Variants in ABCA12 observed in about 807,000 individuals in gnomAD.
ABCA12 encodes the protein ATP binding cassette subfamily A member 12.
A neutral mutation model predicts 293.5 loss-of-function variants in ABCA12; 156 were observed. The observed-to-expected ratio is 0.53, with a 90% confidence interval of 0.47 to 0.61. The LOEUF (loss-of-function observed/expected upper bound fraction) is 0.61. Among genes scored for constraint, ABCA12 ranks in the 20% least tolerant of loss-of-function variants. The pLI, the probability that ABCA12 is intolerant of heterozygous loss-of-function variation, is 0.00. For synonymous variants in ABCA12, 1,063 were observed against 1,108.0 expected (o/e 0.96, Z 0.81); for missense variants, 2,797 against 3,090.2 (o/e 0.91, Z 2.25).
At chr2:214,999,472 G>A (rs1700098522) in intron 22 of ABCA12, among the ~76,000 whole-genome samples, 1 of 152,102 alleles carries the variant, frequency 6.6e-6, no homozygotes, top group African/African-American at 2.4e-5. Flanking sequence ...TGAGGTTGTT[G>A]GGTGAAACAA....
At position 215,001,558 on chromosome 2, in the gene ABCA12, T is replaced by A; in HGVS notation, c.2863A>T (p.Ser955Cys). 6.2e-7 allele frequency: 1 copy of A among 1,613,630 alleles called. No homozygotes were observed. Among genetic ancestry groups the A allele is most frequent in the Non-Finnish European group, 8.5e-7 (1 of 1,179,686 alleles). The change falls in exon 21 of 53, where the codon AGT becomes TGT. Residue 955 changes from serine (S) to cysteine (C), a missense_variant and splice_region_variant. This residue lies in a region of ABCA12 where 2,130 missense variants were observed against 2,427.0 expected (regional missense o/e 0.88). Transcript: ENST00000272895. ...RLYKSNELFGSVIFKLPSNRS... is the reference protein window; with the variant it reads ...RLYKSNELFGCVIFKLPSNRS... ...CAAACCCTAATAGAACAGCACTTAC[T>A]TCCAAAGAGTTCGTTGCTTTTGTAG... is the stretch of plus-strand genomic sequence containing the variant.
At chr2:214,946,895 C>A (rs978284694) in intron 48 of ABCA12, among the ~76,000 whole-genome samples, 4 of 151,962 alleles carry the variant, frequency 2.6e-5, no homozygotes, top group East Asian at 1.9e-4. Flanking sequence ...CTATACCCCC[C>A]ACATTCAGAT....
At chr2:214,975,659 T>C (rs943299353) in intron 34 of ABCA12, 126 bp downstream of exon 34, 45 of 1,312,394 alleles carry the variant, frequency 3.4e-5, no homozygotes, top group Admixed American at 1.9e-4. Flanking sequence ...TTCATTCCTT[T>C]AGCAGAATCA....
chr2:215,075,491 C>T (rs2106087611), intron 2 of ABCA12: 1 of 678,864 alleles, frequency 1.5e-6, no homozygotes, highest in Non-Finnish European at 2.6e-6. Flanking sequence ...CCTCTTAATC[C>T]TAGCTTTGCA....
chr2:215,020,395 C>T (rs1401236284), intron 11 of ABCA12, among the ~76,000 whole-genome samples: 1 of 151,918 alleles, frequency 6.6e-6, no homozygotes, highest in Non-Finnish European at 1.5e-5. Flanking sequence ...GGATACTATG[C>T]TAAGTGAAAT....
chr2:215,043,777 A>G (rs1388175377), intron 7 of ABCA12, among the ~76,000 whole-genome samples: 3 of 152,114 alleles, frequency 2.0e-5, no homozygotes, highest in Admixed American at 6.5e-5. Context: ...CCACCATGCC[A>G]ATTAAGATAC....
chr2:215,001,063 G>A (rs750903896), intron 21 of ABCA12, 43 bp from the exon 22 acceptor site: 1 of 1,590,188 alleles, frequency 6.3e-7, no homozygotes, highest in Non-Finnish European at 8.6e-7. Flanking sequence ...TTATTTTATG[G>A]TTGACGTTAT....
At position 215,064,212 on chromosome 2, in the gene ABCA12, G is replaced by A. The variant is rs373499648; in HGVS notation, c.171C>T (p.Leu57=). Residue 57 remains leucine, a synonymous_variant, in exon 3 of 53, where the codon CTC becomes CTT. Coordinates refer to ENST00000272895, the MANE Select transcript of ABCA12 (RefSeq NM_173076.3). The part of the protein sequence containing the change: ...FPPTAKPTCY[L]APRNLPSTGF... ...CAGTACTAGGAAGGTTTCGAGGTGC[G>A]AGGTAACCTAAAATTAAAAAAACAG... 3.1e-6 allele frequency: 5 copies of A among 1,612,144 alleles called. No homozygotes were observed. The highest frequency in any genetic ancestry group is 2.7e-5 in the African/African-American group (2 of 74,734).
At chr2:215,052,391 G>C in intron 5 of ABCA12, 96 bp downstream of exon 5, 1 of 1,014,690 alleles carries the variant, frequency 9.9e-7, no homozygotes, top group Non-Finnish European at 1.5e-6. Context: ...AAATAGGAAA[G>C]GTGCTCCAAA....
intron 2 of ABCA12, among the ~76,000 whole-genome samples, chr2:215,072,249 G>T (rs16853327): frequency 0.099 from 15,078 of 152,034 alleles, 999 homozygotes; most frequent in East Asian, 0.36. Context: ...CCTCATAGCT[G>T]CTGCCAAGTA....
rs566303971 is a variant in ABCA12 at position 215,043,661 on chromosome 2, A to G, written c.872+2176T>C. On this transcript the variant is annotated intron_variant, in intron 7 of 52. Transcript: ENST00000272895. ...AATAAGATGCACCTATATTAGGTGT[A>G]CAATTAAATGAGTTTTTTTTAAGTT... Among the ~76,000 whole-genome samples the G allele has an allele frequency of 5.3e-5, 8 of 152,278 alleles. No homozygotes were observed. The East Asian group carries it at 1.2e-3, about 22-fold the overall frequency.
intron 14 of ABCA12, 87 bp downstream of exon 14, chr2:215,017,921 G>A: frequency 6.4e-7 from 1 of 1,570,698 alleles, no homozygotes; most frequent in Non-Finnish European, 8.7e-7. Context: ...CAACTTCTCA[G>A]TGTTTAACTG....
In ABCA12 at chr2:214,997,734, T is replaced by C. The variant is rs1020945109; in HGVS notation, c.3255A>G (p.Val1085=). 6 of 1,613,350 alleles carry C rather than the reference T, an allele frequency of 3.7e-6. No individual in the cohort carries two copies. The highest frequency in any genetic ancestry group is 2.2e-5 in the South Asian group (2 of 91,064). The change falls in exon 23 of 53, where the codon GTA becomes GTG. Residue 1085 remains valine (V), a synonymous_variant. Coordinates refer to ENST00000272895, the MANE Select transcript of ABCA12 (RefSeq NM_173076.3). ...GGTCTTTCTCATAGACAAGCTTTTT[T>C]ACAAAGGCAGCTATAAATACAACCC... ...VAWVVFIAAF[V]KKLVYEKDLR... is the part of the protein sequence containing the mutation.
intron 2 of ABCA12, among the ~76,000 whole-genome samples, chr2:215,093,539 C>T (rs1308212860): frequency 6.6e-6 from 1 of 152,206 alleles, no homozygotes; most frequent in Non-Finnish European, 1.5e-5. Context: ...AGAACCAGAA[C>T]CGCGCCCTGT....
chr2:214,986,908 T>C (rs1699800353), intron 27 of ABCA12, among the ~76,000 whole-genome samples, 180 bp from the exon 28 acceptor site: 2 of 152,206 alleles, frequency 1.3e-5, no homozygotes, highest in Admixed American at 6.5e-5. Context: ...GCAGAATGAA[T>C]AAGAGTGGAG....
chr2:215,018,297 T>C (rs1213149366), intron 13 of ABCA12, among the ~76,000 whole-genome samples, 165 bp from the exon 14 acceptor site: 1 of 152,210 alleles, frequency 6.6e-6, no homozygotes, highest in Non-Finnish European at 1.5e-5. Context: ...TCTATTTCTA[T>C]CTGATTTAGA....
In ABCA12 at chr2:215,060,390, G is replaced by A. The variant is rs563510307; in HGVS notation, c.317+3676C>T. ...AATAATTAAGACATTCTTCTACTTT[G>A]TTTTTTGATAAATAAAATTTTAACC... On this transcript the variant is annotated intron_variant, in intron 3 of 52. Transcript: ENST00000272895. 4.6e-5 allele frequency among the ~76,000 whole-genome samples: 7 copies of A among 151,870 alleles called. No homozygotes were observed. The East Asian group carries it at 1.2e-3, about 25-fold the overall frequency.
chr2:214,938,788 A>C (rs546492945), intron 50 of ABCA12, among the ~76,000 whole-genome samples: 6 of 152,020 alleles, frequency 3.9e-5, no homozygotes, highest in South Asian at 2.1e-4. Context: ...ATATCCTTTG[A>C]CCACTTTTTG....
chr2:215,064,720 CA>C (rs1701607742), intron 2 of ABCA12, among the ~76,000 whole-genome samples: 1 of 150,786 alleles, frequency 6.6e-6, no homozygotes, highest in East Asian at 1.9e-4. Context: ...CACACACACA[CA>C]CACACACACA....
Sources: allele counts gnomAD v4.1 joint callset (sites outside exome capture counted in the v4.1 genomes callset), GRCh38; gene constraint gnomAD v4.1.1; regional missense constraint gnomAD v4.1.1; transcripts MANE v1.5; gene names NCBI Gene and HGNC (gene_info 2026-07-23, HGNC 2026-07-21).